The following NFIB variants were observed in gnomAD, a reference collection of about 807,000 sequenced individuals.
NFIB encodes the protein nuclear factor 1 B-type.
In NFIB, 11 loss-of-function variants were observed where a neutral mutation model predicts 61.5. The ratio of observed to expected loss-of-function variants is 0.18; its 90% confidence interval spans 0.11 to 0.30. NFIB has a LOEUF of 0.30. Among genes scored for constraint, NFIB ranks in the 10% least tolerant of loss-of-function variants. The pLI is 1.00. For missense variants in NFIB, 471 were observed against 608.9 expected (o/e 0.77, Z 2.38); for synonymous variants, 260 against 216.5 (o/e 1.20, Z -1.76).
At chr9:14,524,106 T>C in the NFIB span, among the ~76,000 whole-genome samples, 1 of 152,142 alleles carries the variant, frequency 6.6e-6, no homozygotes, top group Non-Finnish European at 1.5e-5. Flanking sequence ...AATTTAGCAA[T>C]TATTCATTAA....
rs143098520 is a variant in NFIB, at chr9:14,240,829, C to A, written c.563-61049G>T. On this transcript the variant is annotated intron_variant, in intron 2 of 10. Transcript: ENST00000380953. ...AGTTCATCTACTCAAAATTACTCCA[C>A]AGAAAGCAGACAAACTCTCTAGCTT... is the stretch of plus-strand genomic sequence containing the variant. 2.1e-3 allele frequency among the ~76,000 whole-genome samples: 316 copies of A among 152,306 alleles called. 4 individuals are homozygous for A. Among genetic ancestry groups the A allele is most frequent in the Admixed American group, 0.019 (296 of 15,288 alleles).
the NFIB span, among the ~76,000 whole-genome samples, chr9:14,473,938 C>T: frequency 1.3e-5 from 2 of 152,170 alleles, no homozygotes; most frequent in Non-Finnish European, 2.9e-5. Context: ...GTGGCACAGG[C>T]TTCAGTTCAC....
chr9:14,213,685 T>C (rs899472892), intron 2 of NFIB, among the ~76,000 whole-genome samples: 1 of 152,168 alleles, frequency 6.6e-6, no homozygotes, highest in Admixed American at 6.5e-5. Context: ...GCCCTTAGCA[T>C]AAAGTCCAAA....
chr9:14,515,867 T>G, the NFIB span, among the ~76,000 whole-genome samples: 2 of 152,194 alleles, frequency 1.3e-5, no homozygotes, highest in Admixed American at 1.3e-4. Flanking sequence ...CTGCCCGACC[T>G]CATTCAGGCT....
intron 2 of NFIB, among the ~76,000 whole-genome samples, chr9:14,304,956 T>C (rs2059941400): frequency 6.6e-6 from 1 of 152,184 alleles, no homozygotes; most frequent in African/African-American, 2.4e-5. Context: ...GATGATGCAC[T>C]GGCAGGTAGC....
At chr9:14,317,145 C>G (rs2060562363), upstream of NFIB, 2 of 152,266 alleles carry the variant, frequency 1.3e-5, no homozygotes, top group Non-Finnish European at 2.9e-5. Flanking sequence ...GGGCAAGTGT[C>G]TCCCGACATC....
the NFIB span, among the ~76,000 whole-genome samples, chr9:14,465,194 AC>A: frequency 6.6e-6 from 1 of 151,934 alleles, no homozygotes; most frequent in South Asian, 2.1e-4. Context: ...ATTACCTTCC[AC>A]CCCCTTATCC....
intron 7 of NFIB, among the ~76,000 whole-genome samples, chr9:14,122,910 A>G (rs2039121929): frequency 6.6e-6 from 1 of 152,176 alleles, no homozygotes; most frequent in African/African-American, 2.4e-5. Context: ...AACTGAGAGT[A>G]AAAATGACTA....
At chr9:14,519,623 G>A in the NFIB span, among the ~76,000 whole-genome samples, 10 of 152,116 alleles carry the variant, frequency 6.6e-5, no homozygotes, top group East Asian at 1.9e-4. Context: ...ACTGCGGTGC[G>A]TTGTGCTTAT....
chr9:14,261,884 A>T (rs1161073756), intron 2 of NFIB, among the ~76,000 whole-genome samples: 2 of 152,194 alleles, frequency 1.3e-5, no homozygotes, highest in Non-Finnish European at 2.9e-5. Context: ...TCTTTGGTGC[A>T]TCCGAACTTG....
At chr9:14,420,371 G>A in the NFIB span, among the ~76,000 whole-genome samples, 1 of 147,630 alleles carries the variant, frequency 6.8e-6, no homozygotes, top group African/African-American at 2.5e-5. Context: ...ACTTGAACCC[G>A]GGAGGTGGAG....
At chr9:14,090,164 T>A (rs1046010775) in intron 10 of NFIB, among the ~76,000 whole-genome samples, 6 of 152,148 alleles carry the variant, frequency 3.9e-5, no homozygotes, top group African/African-American at 1.4e-4. Context: ...AAAATAGGTA[T>A]CTCTGAATTT....
chr9:14,398,723 T>G, exon 1 of NFIB: 1 of 826,390 alleles, frequency 1.2e-6, no homozygotes, highest in Non-Finnish European at 1.8e-6. Flanking sequence ...CCGAGTACCT[T>G]AGCAAACGCA....
In NFIB at chr9:14,313,440, C is replaced by T. The variant is rs751390473; in HGVS notation, c.30+42G>A. The T allele has an allele frequency of 1.7e-5, 27 of 1,613,000 alleles. No individual in the cohort carries two copies. Among genetic ancestry groups the T allele is most frequent in the Non-Finnish European group, 2.0e-5 (24 of 1,179,504 alleles). On this transcript the variant is annotated intron_variant, in intron 1 of 10. Transcript: ENST00000380953. This position sits in a 1 kb window ranked among gnomAD's most constrained non-coding sequence, Gnocchi z 4.5. ...GCAACAAAACAAAACAAAGGCATTT[C>T]GGGCCAGAGAGAAAGCTCGAGAAAG...
chr9:14,449,931 T>C, the NFIB span, among the ~76,000 whole-genome samples: 1 of 151,984 alleles, frequency 6.6e-6, no homozygotes, highest in Non-Finnish European at 1.5e-5. Context: ...CAAGACTCCA[T>C]CTTGATTAAA....
chr9:14,236,562 G>A (rs1405111147), intron 2 of NFIB, among the ~76,000 whole-genome samples: 7 of 152,148 alleles, frequency 4.6e-5, no homozygotes, highest in African/African-American at 9.7e-5. Flanking sequence ...ACACTCATCC[G>A]TGCTGGACTA....
intron 2 of NFIB, among the ~76,000 whole-genome samples, chr9:14,216,525 TCTCTCTCTCTCTCTCTCC>T (rs776080681): frequency 0.012 from 361 of 29,834 alleles, 5 homozygotes; most frequent in African/African-American, 0.047. Context: ...TCTCTCTCTC[TCTCTCTCTCTCTCTCTCC>T]CTCTGTGTGT....
At chr9:14,158,139 A>G (rs1340679709) in intron 3 of NFIB, among the ~76,000 whole-genome samples, 1 of 151,712 alleles carries the variant, frequency 6.6e-6, no homozygotes, top group Non-Finnish European at 1.5e-5. Flanking sequence ...AAACAAAACA[A>G]AAAAACAAAA....
chr9:14,222,944 T>C (rs959556112), intron 2 of NFIB, among the ~76,000 whole-genome samples: 5 of 152,172 alleles, frequency 3.3e-5, no homozygotes, highest in Non-Finnish European at 7.3e-5. Context: ...TGGAATTCTA[T>C]CTAGTGGCTT....
Sources: allele counts gnomAD v4.1 joint callset (sites outside exome capture counted in the v4.1 genomes callset), GRCh38; gene constraint gnomAD v4.1.1; non-coding constraint Gnocchi (gnomAD v3.1); transcripts MANE v1.5; gene names NCBI Gene and HGNC (gene_info 2026-07-23, HGNC 2026-07-21).